The following FAM20C variants were observed in gnomAD, a reference collection of about 807,000 sequenced individuals.
FAM20C encodes FAM20C golgi associated secretory pathway kinase, also known as extracellular serine/threonine protein kinase FAM20C.
FAM20C carries 40 observed loss-of-function variants against 51.5 expected under a neutral mutation model. The observed-to-expected ratio is 0.78, with a 90% CI of 0.60 to 1.01. The LOEUF (loss-of-function observed/expected upper bound fraction) is 1.01. Among genes scored for constraint, FAM20C ranks in the 50% least tolerant of loss-of-function variants. The pLI, the probability that FAM20C is intolerant of heterozygous loss-of-function variation, is 0.00. For missense variants in FAM20C, 861 were observed against 844.7 expected, an observed-to-expected ratio of 1.02 and a Z score of -0.24; for synonymous variants, 406 against 380.6, an observed-to-expected ratio of 1.07 and a Z score of -0.78.
chr7:242,242 T>G (rs1263293035), intron 3 of FAM20C, among the ~76,000 whole-genome samples: 2 of 152,244 alleles, frequency 1.3e-5, no homozygotes, highest in Non-Finnish European at 2.9e-5. Context: ...CTCTGGGGTT[T>G]GGAACCTGGG....
rs1391244458 is a variant in FAM20C at position 259,998 on chromosome 7, G to A, written c.*18G>A. ...CGAGGTAGTGTCCGCCGGCCGCTGC[G>A]CTGCCCGGGACGGAGACAGAGGCGC... On this transcript the variant is annotated 3_prime_UTR_variant, in exon 10 of 10. Transcript: ENST00000313766. 34 of 1,497,704 alleles carry A rather than the reference G, an allele frequency of 2.3e-5. No homozygotes were observed. In the Admixed American group the frequency reaches 2.4e-4, roughly 11 times the overall value. The allele number at this position is 1,497,704 out of a possible 1,614,324, so 92.8% of individuals were successfully genotyped here. A position where few individuals can be genotyped will look rare whatever the true frequency, so the allele number is the denominator to read the frequency against.
Position 193,916 on chromosome 7 carries a change from G to T in FAM20C, c.605+112G>T, listed in dbSNP as rs181853684. 4,110 of 1,393,298 alleles carry T rather than the reference G, an allele frequency of 2.9e-3. 64 individuals are homozygous for T. Among genetic ancestry groups the T allele is most frequent in the Non-Finnish European group, 1.5e-3 (1,619 of 1,065,726 alleles). 86.3% of individuals were successfully genotyped at this position (1,393,298 alleles called of 1,614,324 possible). On this transcript the variant is annotated intron_variant, in intron 1 of 9. Coordinates refer to ENST00000313766, the MANE Select transcript of FAM20C (RefSeq NM_020223.4). ...GCCCCCCATGGAAGAGGCCGGGCAG[G>T]GAGTGTGGTGCGGGAGGAGGCAGCC...
intron 3 of FAM20C, among the ~76,000 whole-genome samples, chr7:223,629 C>T (rs1356714345): frequency 6.6e-6 from 1 of 152,170 alleles, no homozygotes; most frequent in Non-Finnish European, 1.5e-5. Context: ...TGCACCGAGC[C>T]CCGTGGGGAC....
intron 6 of FAM20C, chr7:256,346 C>T (rs142521977): frequency 0.028 from 16,220 of 570,208 alleles, 333 homozygotes; most frequent in South Asian, 0.067. Context: ...GGCCCCTGTT[C>T]TTTCCGCCCC....
rs139408492 is a variant in FAM20C at position 203,293 on chromosome 7, C to T, written c.785-5605C>T. Among the ~76,000 whole-genome samples, 1,086 of 152,372 alleles carry T rather than the reference C, an allele frequency of 7.1e-3. 12 individuals carry two copies. The highest frequency in any genetic ancestry group is 0.024 in the African/African-American group (1,008 of 41,590). Reference sequence around the variant, plus strand: ...CCCGTCCCCAGGACCTGTGCCCACACGCCTGGGCTTCTCCCACCAATGAGG... The same window carrying T: ...CCCGTCCCCAGGACCTGTGCCCACATGCCTGGGCTTCTCCCACCAATGAGG... On this transcript the variant is annotated intron_variant, in intron 2 of 9. Coordinates refer to ENST00000313766, the MANE Select transcript of FAM20C (RefSeq NM_020223.4).
In FAM20C at chr7:256,701, C is replaced by T. The variant is rs530956875; in HGVS notation, c.1301C>T (p.Pro434Leu). The T allele has an allele frequency of 3.3e-6, 5 of 1,536,152 alleles. No individual in the cohort carries two copies. Among genetic ancestry groups the T allele is most frequent in the South Asian group, 1.2e-5 (1 of 84,062 alleles). Reference sequence around the variant, plus strand: ...TGCGAGGAGGTGAAGCAGACACCGCCCTACGACAGCAGCCACCGCATCCTG... The same window carrying T: ...TGCGAGGAGGTGAAGCAGACACCGCTCTACGACAGCAGCCACCGCATCCTG... ...DYCEEVKQTP[P>L]YDSSHRILDV... Residue 434 changes from proline (P) to leucine (L), a missense_variant, in exon 7 of 10, where the codon CCC (proline) becomes CTC (leucine). This residue lies in a region of FAM20C where 269 missense variants were observed against 283.8 expected (regional missense o/e 0.95). Coordinates refer to ENST00000313766, the MANE Select transcript of FAM20C (RefSeq NM_020223.4).
chr7:233,970 C>T (rs1389821750), intron 3 of FAM20C, among the ~76,000 whole-genome samples: 4 of 152,126 alleles, frequency 2.6e-5, no homozygotes, highest in African/African-American at 7.2e-5. Flanking sequence ...GAAGGATGCA[C>T]GGTGTTGGGG....
At position 227,280 on chromosome 7, in the gene FAM20C, T is replaced by C. The variant is rs117826769; in HGVS notation, c.863+18304T>C. ...GATTAAAAGGACGGGAAAGAAAATATGGCCTTCATTTTCCTCGTACTGGGG... is the reference window on the plus strand; with the variant it reads ...GATTAAAAGGACGGGAAAGAAAATACGGCCTTCATTTTCCTCGTACTGGGG... On this transcript the variant is annotated intron_variant, in intron 3 of 9. Coordinates refer to ENST00000313766, the MANE Select transcript of FAM20C (RefSeq NM_020223.4). 3.5e-3 allele frequency among the ~76,000 whole-genome samples: 525 copies of C among 152,124 alleles called. 5 individuals are homozygous for C. The highest frequency in any genetic ancestry group is 9.3e-3 in the South Asian group (45 of 4,818).
intron 2 of FAM20C, among the ~76,000 whole-genome samples, chr7:205,664 G>A (rs1371329092): frequency 2.0e-5 from 3 of 152,232 alleles, no homozygotes; most frequent in South Asian, 2.1e-4. Context: ...TGGCTGCGCC[G>A]GGCTTGGGAT....
At chr7:232,703 G>A (rs893472258) in intron 3 of FAM20C, among the ~76,000 whole-genome samples, 2,392 of 152,316 alleles carry the variant, frequency 0.016, 71 homozygotes, top group African/African-American at 0.054. Flanking sequence ...AAGGTGCCAC[G>A]TGGTCCTAAC....
chr7:252,588 G>A (rs141150694), intron 5 of FAM20C, among the ~76,000 whole-genome samples: 91,588 of 151,960 alleles, frequency 0.6, 28,556 homozygotes, highest in Non-Finnish European at 0.68. Context: ...CGTGGCCTGA[G>A]TGACCCTCCC....
chr7:210,953 T>G (rs1786678199), intron 3 of FAM20C, among the ~76,000 whole-genome samples: 1 of 152,128 alleles, frequency 6.6e-6, no homozygotes, highest in African/African-American at 2.4e-5. Context: ...CCTTTATGTT[T>G]GTCCATCCTC....
rs766020600 is a variant in FAM20C at position 259,878 on chromosome 7, C to A, written c.1653C>A (p.Arg551=). The part of the protein sequence containing the change: ...PHLEALDRRL[R]VVLKAVRDCV... ...TGGAGGCCCTGGACCGGCGGCTCCG[C>A]GTCGTGCTAAAGGCCGTCCGGGACT... is the stretch of plus-strand genomic sequence containing the variant. The change falls in exon 10 of 10, where the codon CGC becomes CGA. Residue 551 remains arginine (R), a synonymous_variant. Coordinates refer to ENST00000313766, the MANE Select transcript of FAM20C (RefSeq NM_020223.4). 28 of 1,536,084 alleles carry A rather than the reference C, an allele frequency of 1.8e-5. No homozygotes were observed. The highest frequency in any genetic ancestry group is 2.4e-5 in the Non-Finnish European group (28 of 1,146,742).
chr7:251,951 C>A (rs1353171854), intron 5 of FAM20C, among the ~76,000 whole-genome samples: 2 of 152,222 alleles, frequency 1.3e-5, no homozygotes, highest in Non-Finnish European at 2.9e-5. Flanking sequence ...GCCCCTGGAA[C>A]CCCACTGCTG....
chr7:218,403 T>C (rs1787102037), intron 3 of FAM20C, among the ~76,000 whole-genome samples: 1 of 152,230 alleles, frequency 6.6e-6, no homozygotes, highest in Non-Finnish European at 1.5e-5. Flanking sequence ...GCCTCCTCAG[T>C]TCACCCGCAC....
At chr7:203,421 GC>G (rs950447431) in intron 2 of FAM20C, among the ~76,000 whole-genome samples, 1 of 152,106 alleles carries the variant, frequency 6.6e-6, no homozygotes, top group African/African-American at 2.4e-5. Flanking sequence ...CCACCTGCTG[GC>G]CCCTTCCTGG....
At chr7:214,052 A>AC (rs1226053210) in intron 3 of FAM20C, among the ~76,000 whole-genome samples, 1 of 152,190 alleles carries the variant, frequency 6.6e-6, no homozygotes, top group Non-Finnish European at 1.5e-5. Flanking sequence ...TTGGCCAGGC[A>AC]CAGTAGCTCA....
At chr7:211,900 T>C (rs1449718241) in intron 3 of FAM20C, among the ~76,000 whole-genome samples, 1 of 152,048 alleles carries the variant, frequency 6.6e-6, no homozygotes, top group East Asian at 1.9e-4. Context: ...TGCGAACCTT[T>C]TGCAAACCTC....
At chr7:254,020 G>T (rs914250271) in intron 5 of FAM20C, among the ~76,000 whole-genome samples, 1 of 152,056 alleles carries the variant, frequency 6.6e-6, no homozygotes, top group Admixed American at 6.6e-5. Context: ...TTCCTTGATC[G>T]TTCGTTCTTA....
Sources: gnomAD v4.1 joint callset for allele counts (sites outside exome capture counted in the v4.1 genomes callset) on GRCh38, gnomAD v4.1.1 for gene constraint, gnomAD v4.1.1 regional missense constraint, MANE v1.5 for transcripts, NCBI Gene and HGNC (gene_info 2026-07-23, HGNC 2026-07-21) for gene names.